The following EXOC4 variants were observed in gnomAD, a reference collection of about 807,000 sequenced individuals.
EXOC4 encodes the protein SEC8-like 1.
Under a neutral mutation model 107.2 loss-of-function variants are expected in EXOC4, and 71 were observed. That is an observed-to-expected ratio of 0.66 (90% CI 0.55 to 0.81). The LOEUF (loss-of-function observed/expected upper bound fraction) is 0.81. Among genes scored for constraint, EXOC4 ranks in the 30% least tolerant of loss-of-function variants. EXOC4 has a pLI of 0.00. For synonymous variants in EXOC4, 456 were observed against 441.2 expected (o/e 1.03, Z -0.42); for missense variants, 1,108 against 1,189.6 (o/e 0.93, Z 1.01).
chr7:133,281,332 CATA>C (rs1794134048), intron 2 of EXOC4, among the ~76,000 whole-genome samples: 1 of 144,110 alleles, frequency 6.9e-6, no homozygotes, highest in Non-Finnish European at 1.5e-5. Context: ...CAATAAAATA[CATA>C]ATAAAAATGT....
chr7:133,441,575 G>A (rs1173810247), intron 7 of EXOC4, among the ~76,000 whole-genome samples: 3 of 151,990 alleles, frequency 2.0e-5, no homozygotes, highest in Non-Finnish European at 4.4e-5. Flanking sequence ...ATTTTTTTCT[G>A]TAGAGATGTG....
chr7:133,558,054 C>T (rs1300304957), intron 9 of EXOC4, among the ~76,000 whole-genome samples: 2 of 152,114 alleles, frequency 1.3e-5, no homozygotes, highest in African/African-American at 2.4e-5. Context: ...TCCCCTCATG[C>T]ATTGTTTCTG....
Position 133,916,187 on chromosome 7 carries a change from G to C in EXOC4, c.1872-1396G>C, listed in dbSNP as rs559403006. ...AAGGAGCATGTGATCTAGATCCCTCGCATGCGCGGTTCACAATAGAATTTG... is the reference window on the plus strand; with the variant it reads ...AAGGAGCATGTGATCTAGATCCCTCCCATGCGCGGTTCACAATAGAATTTG... On this transcript the variant is annotated intron_variant, in intron 12 of 17. Coordinates refer to ENST00000253861, the MANE Select transcript of EXOC4 (RefSeq NM_021807.4). Among the ~76,000 whole-genome samples, 2 of 152,202 alleles carry C rather than the reference G, an allele frequency of 1.3e-5. 1 individual carries two copies. The highest frequency in any genetic ancestry group is 4.1e-4 in the South Asian group (2 of 4,834).
chr7:133,642,286 A>T (rs1054394401), intron 10 of EXOC4, among the ~76,000 whole-genome samples: 45 of 152,328 alleles, frequency 3.0e-4, no homozygotes, highest in African/African-American at 1.1e-3. Flanking sequence ...AAAATCTATG[A>T]TAAAGGAGTC....
Position 133,946,791 on chromosome 7 carries a change from G to A in EXOC4, c.2206+8722G>A, listed in dbSNP as rs752746483. On this transcript the variant is annotated intron_variant, in intron 14 of 17. Transcript: ENST00000253861. ...CAGACTGACCCCAGTGGGGTTCCCC[G>A]TGTTCCTTGGTTTTGAGCATATTTG... 6.9e-4 allele frequency among the ~76,000 whole-genome samples: 105 copies of A among 152,248 alleles called. 1 individual carries two copies. Among genetic ancestry groups the A allele is most frequent in the Admixed American group, 1.1e-3 (17 of 15,306 alleles).
At chr7:133,403,268 C>T (rs112744408) in intron 7 of EXOC4, among the ~76,000 whole-genome samples, 2 of 152,192 alleles carry the variant, frequency 1.3e-5, no homozygotes, top group Admixed American at 6.5e-5. Flanking sequence ...CACAAGCATG[C>T]CTGCTATCCA....
intron 9 of EXOC4, among the ~76,000 whole-genome samples, chr7:133,514,151 G>A (rs1298757557): frequency 1.3e-5 from 2 of 151,652 alleles, no homozygotes; most frequent in East Asian, 3.9e-4. Flanking sequence ...CATCTTATTG[G>A]AACATCGTTT....
At chr7:134,045,095 C>T (rs1417923184) in intron 17 of EXOC4, among the ~76,000 whole-genome samples, 2 of 152,116 alleles carry the variant, frequency 1.3e-5, no homozygotes, top group Non-Finnish European at 2.9e-5. Context: ...TGTGAAAGGA[C>T]CTGGTATATA....
At chr7:133,926,840 G>A (rs1422096193) in intron 13 of EXOC4, among the ~76,000 whole-genome samples, 4 of 152,046 alleles carry the variant, frequency 2.6e-5, no homozygotes, top group African/African-American at 9.7e-5. Context: ...TCAAATGAGT[G>A]GTATGTTTAC....
intron 16 of EXOC4, among the ~76,000 whole-genome samples, chr7:134,005,630 C>T (rs1393936533): frequency 2.6e-5 from 4 of 152,114 alleles, no homozygotes; most frequent in African/African-American, 9.7e-5. Context: ...AAGACATTAC[C>T]CTTCACAATT....
intron 14 of EXOC4, among the ~76,000 whole-genome samples, chr7:133,939,885 C>A (rs1158519805): frequency 6.6e-6 from 1 of 152,124 alleles, no homozygotes; most frequent in Non-Finnish European, 1.5e-5. Flanking sequence ...ATTTTGTCTC[C>A]CAAACCCACT....
chr7:133,863,910 T>C (rs2116355583), intron 11 of EXOC4, among the ~76,000 whole-genome samples: 1 of 152,250 alleles, frequency 6.6e-6, no homozygotes, highest in Middle Eastern at 3.4e-3. Context: ...TGGGTGGCCA[T>C]TGAGTTGTTT....
intron 10 of EXOC4, among the ~76,000 whole-genome samples, chr7:133,724,320 A>G (rs371600656): frequency 6.0e-4 from 91 of 152,304 alleles, no homozygotes; most frequent in African/African-American, 2.1e-3. Context: ...TAAAATTTAA[A>G]CCATATCTGG....
At chr7:133,311,497 G>C (rs1744176479) in intron 4 of EXOC4, among the ~76,000 whole-genome samples, 1 of 152,070 alleles carries the variant, frequency 6.6e-6, no homozygotes, top group Non-Finnish European at 1.5e-5. Context: ...TTGATTTGAA[G>C]AAAATAAATT....
intron 14 of EXOC4, among the ~76,000 whole-genome samples, chr7:133,992,314 A>G (rs10275289): frequency 0.035 from 5,235 of 151,646 alleles, 323 homozygotes; most frequent in African/African-American, 0.12. Context: ...ACAGGGTCTG[A>G]CGCTGTTGCC....
At chr7:133,462,570 T>G (rs748901945) in intron 7 of EXOC4, among the ~76,000 whole-genome samples, 1 of 152,210 alleles carries the variant, frequency 6.6e-6, no homozygotes, top group Non-Finnish European at 1.5e-5. Context: ...TCTCCATGCA[T>G]GTAACTCTGA....
intron 11 of EXOC4, among the ~76,000 whole-genome samples, chr7:133,831,029 A>G (rs1797799384): frequency 6.6e-6 from 1 of 152,006 alleles, no homozygotes; most frequent in Non-Finnish European, 1.5e-5. Context: ...TGGTGGCGCG[A>G]TCTCGGCTCA....
In EXOC4 at chr7:133,817,552, TAC is replaced by T; in HGVS notation, c.1734+11_1734+12del. The T allele has an allele frequency of 6.3e-7, 1 of 1,599,230 alleles. No homozygotes were observed. The highest frequency in any genetic ancestry group is 2.2e-5 in the East Asian group (1 of 44,766). On this transcript the variant is annotated intron_variant, in intron 11 of 17. Transcript: ENST00000253861. ...CAGCGGCCTCTCCTACAGGTAATAA[TAC>T]ACTTTGAACTTACTATTTTTATCAG...
At chr7:133,697,866 A>G (rs920627982) in intron 10 of EXOC4, among the ~76,000 whole-genome samples, 6 of 152,274 alleles carry the variant, frequency 3.9e-5, no homozygotes, top group Admixed American at 2.6e-4. Context: ...GATTTTCCCT[A>G]AACTGACTTA....
Sources: gnomAD v4.1 joint callset for allele counts (sites outside exome capture counted in the v4.1 genomes callset) on GRCh38, gnomAD v4.1.1 for gene constraint, MANE v1.5 for transcripts, NCBI Gene and HGNC (gene_info 2026-07-23, HGNC 2026-07-21) for gene names.